Variants in SYNCRIP observed in about 807,000 individuals in gnomAD.
The protein encoded by SYNCRIP is synaptotagmin binding cytoplasmic RNA interacting protein, also known as heterogeneous nuclear ribonucleoprotein Q.
SYNCRIP carries 9 observed loss-of-function variants against 68.9 expected under a neutral mutation model. That is an observed-to-expected ratio of 0.13 (90% confidence interval 0.08 to 0.23). The LOEUF is 0.23. Among genes scored for constraint, SYNCRIP ranks in the 10% least tolerant of loss-of-function variants. SYNCRIP has a pLI of 1.00. For synonymous variants in SYNCRIP, 258 were observed against 254.0 expected (o/e 1.02, Z -0.15); for missense variants, 414 against 770.6 (o/e 0.54, Z 5.48).
chr6:85,624,161 G>GT, intron 6 of SYNCRIP, 49 bp from the exon 7 acceptor site: 1 of 1,545,852 alleles, frequency 6.5e-7, no homozygotes, highest in Non-Finnish European at 8.8e-7. Flanking sequence ...TATACAACTA[G>GT]AACAGTTAAT....
intron 10 of SYNCRIP, among the ~76,000 whole-genome samples, chr6:85,617,594 C>G (rs1442322819): frequency 6.6e-6 from 1 of 152,174 alleles, no homozygotes; most frequent in Non-Finnish European, 1.5e-5. Context: ...CTTGGATAAT[C>G]ACATAATCCA....
chr6:85,633,859 C>G (rs549916791), intron 6 of SYNCRIP, among the ~76,000 whole-genome samples: 4 of 152,070 alleles, frequency 2.6e-5, no homozygotes, highest in Admixed American at 1.3e-4. Context: ...TGGTTTCAAT[C>G]AATCCTTGCA....
At chr6:85,638,044 C>G (rs946752500) in intron 4 of SYNCRIP, among the ~76,000 whole-genome samples, 4 of 152,066 alleles carry the variant, frequency 2.6e-5, no homozygotes, top group African/African-American at 7.2e-5. Flanking sequence ...TTACTCAGAG[C>G]ATTAGGTGTT....
intron 5 of SYNCRIP, 42 bp downstream of exon 5, chr6:85,637,201 T>C (rs1808562885): frequency 6.2e-7 from 1 of 1,606,748 alleles, no homozygotes; most frequent in Non-Finnish European, 8.5e-7. Flanking sequence ...ACCAGATACC[T>C]GTGCTTTTAC....
chr6:85,626,866 G>T (rs999168490), intron 6 of SYNCRIP, among the ~76,000 whole-genome samples: 2 of 152,180 alleles, frequency 1.3e-5, no homozygotes, highest in Admixed American at 6.5e-5. Context: ...ATGGTAGGTA[G>T]AAAGTACAAA....
At chr6:85,627,683 C>A (rs928875603) in intron 6 of SYNCRIP, among the ~76,000 whole-genome samples, 6 of 152,062 alleles carry the variant, frequency 3.9e-5, no homozygotes, top group Non-Finnish European at 7.4e-5. Context: ...TATAAAAAAA[C>A]GAGCACACAC....
chr6:85,608,241 G>T (rs974416835), downstream of SYNCRIP: 1 of 152,058 alleles, frequency 6.6e-6, no homozygotes, highest in Admixed American at 6.6e-5. Context: ...GACCTCTAAA[G>T]ATTCCAAGTG....
At chr6:85,615,696 T>C (rs1005351549) in intron 10 of SYNCRIP, among the ~76,000 whole-genome samples, 5 of 152,204 alleles carry the variant, frequency 3.3e-5, no homozygotes, top group Admixed American at 3.3e-4. Context: ...ATCCCAGCTA[T>C]GCGGGAGGCT....
At chr6:85,629,188 T>A (rs1229481891) in intron 6 of SYNCRIP, among the ~76,000 whole-genome samples, 1 of 152,120 alleles carries the variant, frequency 6.6e-6, no homozygotes, top group Non-Finnish European at 1.5e-5. Flanking sequence ...TAGATTCACC[T>A]TTTTTCTTCA....
chr6:85,638,200 T>C (rs1488991738), intron 4 of SYNCRIP, among the ~76,000 whole-genome samples: 1 of 151,812 alleles, frequency 6.6e-6, no homozygotes, highest in East Asian at 1.9e-4. Flanking sequence ...GGTGAAACCC[T>C]GTCTCTACTA....
downstream of SYNCRIP, among the ~76,000 whole-genome samples, chr6:85,613,452 G>A (rs1805417328): frequency 6.6e-6 from 1 of 152,196 alleles, no homozygotes; most frequent in African/African-American, 2.4e-5. Flanking sequence ...AGGTTCAGAA[G>A]TGGGGAGTGG....
downstream of SYNCRIP, among the ~76,000 whole-genome samples, chr6:85,613,808 G>A (rs1245821415): frequency 6.6e-6 from 1 of 152,150 alleles, no homozygotes; most frequent in East Asian, 1.9e-4. Context: ...AAACAGTCAA[G>A]AGGGCAATAT....
Position 85,634,140 on chromosome 6 carries a change from A to G in SYNCRIP, c.666+2827T>C, listed in dbSNP as rs180790207. ...TTAAAAACTATATTAATAAGACTAT[A>G]TTCTAAGCAACCTACAGCAATGCAA... On this transcript the variant is annotated intron_variant, in intron 6 of 10. Coordinates refer to ENST00000369622, the MANE Select transcript of SYNCRIP (RefSeq NM_006372.5). 1.2e-3 allele frequency among the ~76,000 whole-genome samples: 185 copies of G among 152,342 alleles called. 2 individuals are homozygous for G. The highest frequency in any genetic ancestry group is 4.2e-3 in the African/African-American group (173 of 41,590).
At position 85,614,498 on chromosome 6, in the gene SYNCRIP, T is replaced by G; in HGVS notation, c.*258A>C. On this transcript the variant is annotated 3_prime_UTR_variant, in exon 11 of 11. Transcript: ENST00000369622. ...CAGCCAAATGGACTTGAGCCAAATT[T>G]TCTCAAGCACAAATGCAAACTCATT... The G allele has an allele frequency of 8.6e-7, 1 of 1,166,340 alleles. No individual in the cohort carries two copies. The highest frequency in any genetic ancestry group is 1.1e-6 in the Non-Finnish European group (1 of 946,172). The allele number at this position is 1,166,340 out of a possible 1,614,324, so 72.2% of individuals were successfully genotyped here.
chr6:85,640,656 TACAATTC>T, intron 2 of SYNCRIP, 92 bp from the exon 3 acceptor site: 1 of 690,356 alleles, frequency 1.4e-6, no homozygotes. Flanking sequence ...TGTGTGCCTT[TACAATTC>T]TTCTACTCCC....
At chr6:85,638,255 G>A (rs1260960358) in intron 4 of SYNCRIP, among the ~76,000 whole-genome samples, 1 of 151,784 alleles carries the variant, frequency 6.6e-6, no homozygotes, top group Non-Finnish European at 1.5e-5. Flanking sequence ...CGCCTGTAAT[G>A]CCAGCTACTC....
chr6:85,639,714 A>G (rs73485410), intron 4 of SYNCRIP, among the ~76,000 whole-genome samples: 1,875 of 152,308 alleles, frequency 0.012, 36 homozygotes, highest in African/African-American at 0.043. Context: ...ACCAAAAAAA[A>G]AGCCTCCTCC....
At chr6:85,626,012 G>T (rs1359064717) in intron 6 of SYNCRIP, among the ~76,000 whole-genome samples, 1 of 152,172 alleles carries the variant, frequency 6.6e-6, no homozygotes, top group Non-Finnish European at 1.5e-5. Context: ...CTGTCACAAA[G>T]AATTATCTAG....
At chr6:85,642,392 G>A (rs993321194) in intron 1 of SYNCRIP, among the ~76,000 whole-genome samples, 1 of 152,162 alleles carries the variant, frequency 6.6e-6, no homozygotes, top group African/African-American at 2.4e-5. Flanking sequence ...AGCAGCGTGA[G>A]GGCGTTCAGC....
Sources: allele counts gnomAD v4.1 joint callset (sites outside exome capture counted in the v4.1 genomes callset), GRCh38; gene constraint gnomAD v4.1.1; transcripts MANE v1.5; gene names NCBI Gene and HGNC (gene_info 2026-07-23, HGNC 2026-07-21).